KLRF1: variants seen among roughly 807,000 people sequenced by gnomAD.
KLRF1 encodes killer cell lectin like receptor F1.
In KLRF1, 27 loss-of-function variants were observed where a neutral mutation model predicts 30.7. That is an observed-to-expected ratio of 0.88 (90% CI 0.65 to 1.21). The LOEUF (loss-of-function observed/expected upper bound fraction) is 1.21. Ranked by LOEUF, KLRF1 falls within the 50% of genes most tolerant of loss-of-function variation. KLRF1 has a pLI of 0.00. For synonymous variants in KLRF1, 92 were observed against 89.3 expected (o/e 1.03, Z -0.17); for missense variants, 246 against 259.3 (o/e 0.95, Z 0.35).
At chr12:9,837,163 G>A (rs1591759104) in intron 3 of KLRF1, among the ~76,000 whole-genome samples, 1 of 151,802 alleles carries the variant, frequency 6.6e-6, no homozygotes, top group East Asian at 1.9e-4. Context: ...TCTTCTTTCG[G>A]TCTATATGGA....
intron 1 of KLRF1, among the ~76,000 whole-genome samples, chr12:9,828,266 A>G (rs1438394164): frequency 6.6e-6 from 1 of 152,012 alleles, no homozygotes; most frequent in East Asian, 1.9e-4. Flanking sequence ...TTTTTAGTAG[A>G]GATGGGGTTT....
chr12:9,823,947 C>T (rs1437203264), upstream of KLRF1, among the ~76,000 whole-genome samples: 3 of 152,056 alleles, frequency 2.0e-5, no homozygotes, highest in East Asian at 1.9e-4. Context: ...AATTGATTTC[C>T]TTAACAGACC....
the KLRF1 span, among the ~76,000 whole-genome samples, chr12:9,816,387 A>G: frequency 1.3e-5 from 2 of 152,198 alleles, no homozygotes; most frequent in Non-Finnish European, 2.9e-5. Context: ...CATTCTGGCT[A>G]TGGCAGAGAC....
the KLRF1 span, among the ~76,000 whole-genome samples, chr12:9,809,160 G>GT: frequency 3.9e-5 from 6 of 152,226 alleles, no homozygotes; most frequent in African/African-American, 1.4e-4. Flanking sequence ...AACTGAAGAA[G>GT]TTAACAAGAT....
chr12:9,810,143 C>T, the KLRF1 span, among the ~76,000 whole-genome samples: 1 of 152,090 alleles, frequency 6.6e-6, no homozygotes, highest in Non-Finnish European at 1.5e-5. Flanking sequence ...TGTAGGTCAT[C>T]CTGGATATAT....
chr12:9,810,036 A>G, the KLRF1 span, among the ~76,000 whole-genome samples: 1 of 152,178 alleles, frequency 6.6e-6, no homozygotes, highest in African/African-American at 2.4e-5. Flanking sequence ...TCATTAAATC[A>G]CTGAAACTCA....
At chr12:9,832,243 T>G in intron 1 of KLRF1, 73 bp from the exon 2 acceptor site, 3 of 801,006 alleles carry the variant, frequency 3.7e-6, no homozygotes, top group Middle Eastern at 4.8e-4. Context: ...TACAATCCTA[T>G]TATTACAATT....
At chr12:9,806,832 C>T in the KLRF1 span, among the ~76,000 whole-genome samples, 4 of 151,986 alleles carry the variant, frequency 2.6e-5, no homozygotes, top group Non-Finnish European at 5.9e-5. Context: ...AGGCACATGC[C>T]ACTATGCCTG....
chr12:9,832,687 GTA>G (rs369807165), intron 2 of KLRF1, among the ~76,000 whole-genome samples: 33 of 132,882 alleles, frequency 2.5e-4, no homozygotes, highest in Admixed American at 1.9e-3. Flanking sequence ...GTGTGTGTGT[GTA>G]TGTGTGTGTA....
intron 3 of KLRF1, among the ~76,000 whole-genome samples, chr12:9,834,168 G>A (rs1024428653): frequency 1.3e-5 from 2 of 151,776 alleles, no homozygotes; most frequent in African/African-American, 4.9e-5. Flanking sequence ...CATCAGTTAA[G>A]GCAAGGACTG....
At chr12:9,843,648 A>G (rs1867751281) in intron 5 of KLRF1, among the ~76,000 whole-genome samples, 1 of 152,116 alleles carries the variant, frequency 6.6e-6, no homozygotes, top group Non-Finnish European at 1.5e-5. Flanking sequence ...TCCATTCATC[A>G]CTACCCGTTA....
upstream of KLRF1, among the ~76,000 whole-genome samples, chr12:9,823,039 G>A (rs59860427): frequency 0.023 from 3,511 of 151,804 alleles, 124 homozygotes; most frequent in African/African-American, 0.08. Context: ...CTCCAGACAG[G>A]TCATCAAGGG....
chr12:9,837,099 C>G (rs1384080477), intron 3 of KLRF1, among the ~76,000 whole-genome samples: 1 of 152,000 alleles, frequency 6.6e-6, no homozygotes, highest in Non-Finnish European at 1.5e-5. Context: ...CTTACATACC[C>G]AACAAGCAAA....
At chr12:9,806,109 T>C in the KLRF1 span, among the ~76,000 whole-genome samples, 19 of 151,978 alleles carry the variant, frequency 1.3e-4, 1 homozygote, top group African/African-American at 4.3e-4. Flanking sequence ...TATTATTCCT[T>C]AAGGTGGTAG....
chr12:9,837,810 A>G (rs1867611927), intron 3 of KLRF1, among the ~76,000 whole-genome samples: 1 of 152,158 alleles, frequency 6.6e-6, no homozygotes, highest in Non-Finnish European at 1.5e-5. Flanking sequence ...TCTGGATTTC[A>G]TAGAAACTCA....
chr12:9,811,944 C>A, the KLRF1 span, among the ~76,000 whole-genome samples: 7 of 152,124 alleles, frequency 4.6e-5, no homozygotes, highest in Non-Finnish European at 4.4e-5. Context: ...AACATTAAAT[C>A]GGGTGGAATT....
Position 9,832,426 on chromosome 12 carries a change from A to T in KLRF1, c.184+12A>T. 7.2e-7 allele frequency: 1 copy of T among 1,388,374 alleles called. No individual in the cohort carries two copies. The highest frequency in any genetic ancestry group is 1.0e-6 in the Non-Finnish European group (1 of 981,702). 86.0% of individuals were successfully genotyped at this position (1,388,374 alleles called of 1,614,324 possible). ...CTTGATCCTGTTGGGTAAGTTTAGA[A>T]GATCTTAATTAAATAAAAATATGAA... On this transcript the variant is annotated intron_variant, in intron 2 of 5. Coordinates refer to ENST00000617889, the MANE Select transcript of KLRF1 (RefSeq NM_016523.3).
chr12:9,841,750 G>T (rs1221676486), intron 3 of KLRF1, 62 bp from the exon 4 acceptor site: 3 of 1,316,532 alleles, frequency 2.3e-6, no homozygotes, highest in Non-Finnish European at 3.2e-6. Context: ...TTGTTCTTAT[G>T]GCCAATTTTC....
the KLRF1 span, among the ~76,000 whole-genome samples, chr12:9,818,707 C>T: frequency 6.6e-4 from 101 of 152,232 alleles, 2 homozygotes; most frequent in East Asian, 0.018. Flanking sequence ...AAAATGTTTT[C>T]CCCCTAAATT....
Sources: allele counts gnomAD v4.1 joint callset (sites outside exome capture counted in the v4.1 genomes callset), GRCh38; gene constraint gnomAD v4.1.1; transcripts MANE v1.5; gene names NCBI Gene and HGNC (gene_info 2026-07-23, HGNC 2026-07-21).